RASGRP3: variants seen among roughly 807,000 people sequenced by gnomAD.
The protein encoded by RASGRP3 is RAS guanyl releasing protein 3, also known as ras guanyl-releasing protein 3.
Under a neutral mutation model 82.7 loss-of-function variants are expected in RASGRP3, and 54 were observed. The observed-to-expected ratio is 0.65, with a 90% CI of 0.52 to 0.82. RASGRP3 has a LOEUF of 0.82. Among genes scored for constraint, RASGRP3 ranks in the 40% least tolerant of loss-of-function variants. The pLI is 0.00. For synonymous variants in RASGRP3, 309 were observed against 300.5 expected (o/e 1.03, Z -0.29); for missense variants, 861 against 828.9 (o/e 1.04, Z -0.48).
chr2:33,522,333 T>C (rs778711336), intron 7 of RASGRP3, among the ~76,000 whole-genome samples: 2 of 152,220 alleles, frequency 1.3e-5, no homozygotes, highest in African/African-American at 2.4e-5. Context: ...TCTCCTTTCA[T>C]AGGATTAAAG....
chr2:33,497,342 G>C (rs184634183), intron 1 of RASGRP3, among the ~76,000 whole-genome samples: 1 of 152,338 alleles, frequency 6.6e-6, no homozygotes, highest in African/African-American at 2.4e-5. Context: ...GTCTAAAACT[G>C]TGAACTTGCA....
chr2:33,461,528 T>C (rs1233416861), intron 2 of RASGRP3, among the ~76,000 whole-genome samples: 1 of 152,262 alleles, frequency 6.6e-6, no homozygotes, highest in Non-Finnish European at 1.5e-5. Context: ...TCCACCTGCC[T>C]TGGCCTCCCA....
At chr2:33,559,495 T>G in intron 17 of RASGRP3, 1 of 380,410 alleles carries the variant, frequency 2.6e-6, no homozygotes, top group Non-Finnish European at 5.3e-6. Context: ...GAAAAGGGGG[T>G]GGTGAGAATC....
intron 1 of RASGRP3, among the ~76,000 whole-genome samples, chr2:33,492,089 A>G (rs1399687764): frequency 2.0e-5 from 3 of 152,238 alleles, no homozygotes; most frequent in East Asian, 3.8e-4. Flanking sequence ...AAATTTCAGT[A>G]TCTTAAATTT....
chr2:33,523,422 G>A (rs1464005600), intron 7 of RASGRP3, among the ~76,000 whole-genome samples: 5 of 150,908 alleles, frequency 3.3e-5, no homozygotes, highest in Admixed American at 1.3e-4. Flanking sequence ...CCGAGATCGC[G>A]CCACTGCACT....
At chr2:33,559,605 A>G (rs1300202964) in intron 17 of RASGRP3, 1 of 518,874 alleles carries the variant, frequency 1.9e-6, no homozygotes, top group Non-Finnish European at 3.8e-6. Flanking sequence ...TTGTTAGAGT[A>G]TGCTGACACA....
chr2:33,537,730 T>C (rs1344511927), intron 11 of RASGRP3, among the ~76,000 whole-genome samples: 1 of 152,160 alleles, frequency 6.6e-6, no homozygotes, highest in Non-Finnish European at 1.5e-5. Flanking sequence ...GCAAAAATGT[T>C]GACATTTTAT....
chr2:33,479,756 G>A (rs1667727120), intron 1 of RASGRP3, among the ~76,000 whole-genome samples: 2 of 152,128 alleles, frequency 1.3e-5, no homozygotes, highest in Admixed American at 1.3e-4. Context: ...TGGGTCATCA[G>A]ACTTGCAGAG....
At chr2:33,519,725 G>C (rs955531555) in intron 4 of RASGRP3, among the ~76,000 whole-genome samples, 3 of 152,290 alleles carry the variant, frequency 2.0e-5, no homozygotes, top group South Asian at 2.1e-4. Flanking sequence ...AACTAATCCT[G>C]TAAGTGGCTT....
chr2:33,456,141 AG>A (rs1271703974), intron 2 of RASGRP3, among the ~76,000 whole-genome samples: 1 of 152,148 alleles, frequency 6.6e-6, no homozygotes, highest in Non-Finnish European at 1.5e-5. Context: ...TCAAGCCTTC[AG>A]AAAAGCAGTT....
intron 10 of RASGRP3, chr2:33,532,522 T>A (rs1315265489): frequency 6.6e-6 from 1 of 152,206 alleles, no homozygotes; most frequent in South Asian, 2.1e-4. Context: ...CGCATCCTAC[T>A]TGGCTCTTTT....
chr2:33,533,971 G>T, intron 10 of RASGRP3: 1 of 199,170 alleles, frequency 5.0e-6, no homozygotes, highest in Non-Finnish European at 1.0e-5. Context: ...AACTTCAAAG[G>T]CAGCATTTAT....
intron 15 of RASGRP3, 148 bp from the exon 16 acceptor site, chr2:33,558,063 G>A (rs1676204806): frequency 1.9e-6 from 2 of 1,069,336 alleles, no homozygotes; most frequent in Admixed American, 2.2e-5. Context: ...CCAGATCCTA[G>A]ACACACCCCA....
chr2:33,529,718 C>T (rs1241480236), intron 10 of RASGRP3, among the ~76,000 whole-genome samples: 1 of 152,034 alleles, frequency 6.6e-6, no homozygotes, highest in East Asian at 1.9e-4. Flanking sequence ...TCAGCAGTTG[C>T]TTGGTTTTGT....
At chr2:33,516,873 A>G (rs187525475) in intron 4 of RASGRP3, 2 of 386,920 alleles carry the variant, frequency 5.2e-6, no homozygotes, top group East Asian at 8.6e-5. Flanking sequence ...ACTAAGATGT[A>G]AAATGAAGCA....
chr2:33,515,546 G>C (rs540671561), intron 3 of RASGRP3, among the ~76,000 whole-genome samples: 14 of 152,270 alleles, frequency 9.2e-5, no homozygotes, highest in Admixed American at 9.2e-4. Context: ...TCTTGGTCAG[G>C]AATGCTGCTT....
At chr2:33,443,290 T>A (rs1360131403) in intron 1 of RASGRP3, among the ~76,000 whole-genome samples, 3 of 152,186 alleles carry the variant, frequency 2.0e-5, no homozygotes, top group African/African-American at 7.2e-5. Context: ...TTCCATGCCA[T>A]GAAATGGGCA....
At chr2:33,562,699 C>T in intron 17 of RASGRP3, 30 bp from the exon 18 acceptor site, 1 of 1,610,958 alleles carries the variant, frequency 6.2e-7, no homozygotes, top group Non-Finnish European at 8.5e-7. Context: ...TGAGATCCAG[C>T]CATGCAATAG....
chr2:33,439,238 G>T (rs889385623), intron 1 of RASGRP3, among the ~76,000 whole-genome samples: 1 of 152,162 alleles, frequency 6.6e-6, no homozygotes, highest in African/African-American at 2.4e-5. Flanking sequence ...AAAAAGGGAA[G>T]TATACAGGAC....
Sources: gnomAD v4.1 joint callset for allele counts (sites outside exome capture counted in the v4.1 genomes callset) on GRCh38, gnomAD v4.1.1 for gene constraint, MANE v1.5 for transcripts, NCBI Gene and HGNC (gene_info 2026-07-23, HGNC 2026-07-21) for gene names.